TM4SF4: variants seen among roughly 807,000 people sequenced by gnomAD.
TM4SF4 encodes transmembrane 4 L6 family member 4.
In TM4SF4, 24 loss-of-function variants were observed where a neutral mutation model predicts 24.1. That is an observed-to-expected ratio of 1.00 (90% confidence interval 0.72 to 1.40). The LOEUF is 1.40. TM4SF4 is among the 40% of genes most tolerant of loss of function. TM4SF4 has a pLI of 0.00. For synonymous variants in TM4SF4, 113 were observed against 97.0 expected, an observed-to-expected ratio of 1.17 and a Z score of -0.97; for missense variants, 254 against 254.2, an observed-to-expected ratio of 1.00 and a Z score of 0.01.
rs145258113 is a variant in TM4SF4 at position 149,482,840 on chromosome 3, G to A, written c.265-4779G>A. ...ATTACAGGCATGAGCCACCAAGCCC[G>A]GCCTTTCTTTCTTTTAACATTTTGT... is the stretch of plus-strand genomic sequence containing the variant. On this transcript the variant is annotated intron_variant, in intron 2 of 4. Coordinates refer to ENST00000305354, the MANE Select transcript of TM4SF4 (RefSeq NM_004617.4). 3.0e-4 allele frequency among the ~76,000 whole-genome samples: 46 copies of A among 152,222 alleles called. No individual in the cohort carries two copies. In the East Asian group the frequency reaches 8.3e-3, roughly 27 times the overall value.
At chr3:149,496,577 T>C (rs550553920) in intron 3 of TM4SF4, among the ~76,000 whole-genome samples, 6 of 152,280 alleles carry the variant, frequency 3.9e-5, no homozygotes, top group Admixed American at 3.9e-4. Context: ...GAGACCAGCC[T>C]GACCAACATG....
At chr3:149,490,667 T>C (rs1734193628) in intron 3 of TM4SF4, among the ~76,000 whole-genome samples, 1 of 152,208 alleles carries the variant, frequency 6.6e-6, no homozygotes, top group African/African-American at 2.4e-5. Flanking sequence ...TCCTACTCCT[T>C]TTACTATACA....
chr3:149,488,190 C>A (rs1467116298), intron 3 of TM4SF4, among the ~76,000 whole-genome samples: 2 of 152,200 alleles, frequency 1.3e-5, no homozygotes, highest in African/African-American at 4.8e-5. Context: ...TATAATTAAA[C>A]AATCATTTAA....
Position 149,474,791 on chromosome 3 carries a change from ACT to A in TM4SF4, c.-82_-81del. On this transcript the variant is annotated 5_prime_UTR_variant, in exon 1 of 5. Transcript: ENST00000305354. Reference sequence around the variant, plus strand: ...GATTGAATTGGAGACAATTACAAGGACTCTCTGGCCAAAAACCCTTGAAGAGG... The same window carrying A: ...GATTGAATTGGAGACAATTACAAGGACTCTGGCCAAAAACCCTTGAAGAGG... 1 of 1,395,362 alleles carries A rather than the reference ACT, an allele frequency of 7.2e-7. No individual in the cohort carries two copies. The highest frequency in any genetic ancestry group is 9.7e-7 in the Non-Finnish European group (1 of 1,034,458). 86.4% of individuals were successfully genotyped at this position (1,395,362 alleles called of 1,614,324 possible).
chr3:149,493,072 T>C (rs531884328), intron 3 of TM4SF4, among the ~76,000 whole-genome samples: 2 of 152,278 alleles, frequency 1.3e-5, no homozygotes, highest in South Asian at 2.1e-4. Flanking sequence ...TAACACAAGG[T>C]ACATAAAGCA....
At chr3:149,489,824 T>C (rs1026226972) in intron 3 of TM4SF4, among the ~76,000 whole-genome samples, 1 of 152,178 alleles carries the variant, frequency 6.6e-6, no homozygotes, top group African/African-American at 2.4e-5. Context: ...TTATAAAGAT[T>C]TGATAATAAA....
Position 149,498,908 on chromosome 3 carries a change from T to G in TM4SF4, c.588T>G (p.Cys196Trp). The G allele has an allele frequency of 1.9e-6, 3 of 1,613,674 alleles. No individual in the cohort carries two copies. Among genetic ancestry groups the G allele is most frequent in the Non-Finnish European group, 2.5e-6 (3 of 1,179,724 alleles). The change falls in exon 4 of 5, where the codon TGT becomes TGG. Residue 196 changes from cysteine to tryptophan, a missense_variant. Coordinates refer to ENST00000305354, the MANE Select transcript of TM4SF4 (RefSeq NM_004617.4). ...LCGDCQCCGCCGGDGPV is the reference protein window; with the variant it reads ...LCGDCQCCGCWGGDGPV ...GGGACTGCCAGTGTTGTGGCTGCTG[T>G]GGGGTAAGTTCAGGCTTTTGCTGTT...
intron 2 of TM4SF4, among the ~76,000 whole-genome samples, chr3:149,481,302 G>C (rs541915119): frequency 6.8e-6 from 1 of 147,240 alleles, no homozygotes; most frequent in South Asian, 2.1e-4. Context: ...TAAGTGCCTA[G>C]GGTATGGAGG....
intron 3 of TM4SF4, among the ~76,000 whole-genome samples, chr3:149,488,641 A>G (rs1466620509): frequency 6.6e-6 from 1 of 152,222 alleles, no homozygotes; most frequent in African/African-American, 2.4e-5. Flanking sequence ...CCCAGTAGCC[A>G]TATAGGGTTT....
intron 3 of TM4SF4, 28 bp from the exon 4 acceptor site, chr3:149,498,694 T>C: frequency 6.2e-7 from 1 of 1,602,286 alleles, no homozygotes; most frequent in Non-Finnish European, 8.5e-7. Flanking sequence ...TTTACAAATG[T>C]TTCCTTTGTC....
chr3:149,501,911 G>C (rs1734434667), intron 4 of TM4SF4, among the ~76,000 whole-genome samples: 1 of 152,164 alleles, frequency 6.6e-6, no homozygotes, highest in Admixed American at 6.5e-5. Context: ...GACCTGGTTT[G>C]AATGTCAGCT....
chr3:149,497,289 C>T (rs1470519916), intron 3 of TM4SF4, among the ~76,000 whole-genome samples: 1 of 152,190 alleles, frequency 6.6e-6, no homozygotes, highest in Non-Finnish European at 1.5e-5. Context: ...ATGTAACTCC[C>T]ATTTTATAGG....
chr3:149,498,691 A>G, intron 3 of TM4SF4, 31 bp from the exon 4 acceptor site: 1 of 1,604,882 alleles, frequency 6.2e-7, no homozygotes, highest in Non-Finnish European at 8.5e-7. Context: ...CTTTTTACAA[A>G]TGTTTCCTTT....
At chr3:149,481,836 A>G (rs561482248) in intron 2 of TM4SF4, among the ~76,000 whole-genome samples, 1 of 152,344 alleles carries the variant, frequency 6.6e-6, no homozygotes, top group African/African-American at 2.4e-5. Flanking sequence ...TTCTTTAACC[A>G]TGTGAGCAGA....
intron 2 of TM4SF4, among the ~76,000 whole-genome samples, chr3:149,477,155 T>C (rs1265837374): frequency 6.6e-6 from 1 of 152,156 alleles, no homozygotes; most frequent in African/African-American, 2.4e-5. Context: ...AGAGGACAAG[T>C]CTTAGGCTCC....
intron 4 of TM4SF4, among the ~76,000 whole-genome samples, chr3:149,501,761 C>T (rs543886907): frequency 1.8e-4 from 28 of 152,354 alleles, no homozygotes; most frequent in African/African-American, 6.5e-4. Context: ...TTCCAACTGC[C>T]TCTTGCCTAA....
At chr3:149,477,417 A>G (rs775859594) in intron 2 of TM4SF4, among the ~76,000 whole-genome samples, 22 of 152,242 alleles carry the variant, frequency 1.4e-4, no homozygotes, top group Non-Finnish European at 2.8e-4. Context: ...AAGATTCATG[A>G]ACCACAATAA....
At position 149,487,613 on chromosome 3, in the gene TM4SF4, T is replaced by G. The variant is rs539582470; in HGVS notation, c.265-6T>G. ...GAATGTGACTGTCTCTCTTCCTCTC[T>G]TTCAGATGTTCACCTCCACGATATT... On this transcript the variant is annotated splice_region_variant and splice_polypyrimidine_tract_variant and intron_variant, in intron 2 of 4. Coordinates refer to ENST00000305354, the MANE Select transcript of TM4SF4 (RefSeq NM_004617.4). The G allele has an allele frequency of 6.2e-7, 1 of 1,613,992 alleles. No homozygotes were observed. Among genetic ancestry groups the G allele is most frequent in the East Asian group, 2.2e-5 (1 of 44,886 alleles).
chr3:149,482,575 G>C (rs34659397), intron 2 of TM4SF4, among the ~76,000 whole-genome samples: 1 of 151,898 alleles, frequency 6.6e-6, no homozygotes, highest in Non-Finnish European at 1.5e-5. Context: ...ACAGGGTCTG[G>C]CTCTGTTGCC....
Sources: allele counts gnomAD v4.1 joint callset (sites outside exome capture counted in the v4.1 genomes callset), GRCh38; gene constraint gnomAD v4.1.1; transcripts MANE v1.5; gene names NCBI Gene and HGNC (gene_info 2026-07-23, HGNC 2026-07-21).